The following GRIA2 variants were observed in gnomAD, a reference collection of about 807,000 sequenced individuals.
GRIA2 encodes glutamate receptor 2.
Under a neutral mutation model 97.3 loss-of-function variants are expected in GRIA2, and 14 were observed. That is an observed-to-expected ratio of 0.14 (90% CI 0.10 to 0.23). The LOEUF is 0.23. GRIA2 is among the 10% of genes least tolerant of loss of function. The probability of loss-of-function intolerance (pLI) is 1.00; values close to 1 mark genes in which losing one functional copy is unlikely to be tolerated. For missense variants in GRIA2, 558 were observed against 1,069.8 expected (o/e 0.52, Z 6.67); for synonymous variants, 412 against 387.8 (o/e 1.06, Z -0.73).
chr4:157,340,511 T>A lies in GRIA2; in HGVS notation c.1845-753T>A, dbSNP rs529013023. 8.5e-5 allele frequency among the ~76,000 whole-genome samples: 13 copies of A among 152,144 alleles called. No individual in the cohort carries two copies. The South Asian group carries it at 2.7e-3, about 31-fold the overall frequency. Reference sequence around the variant, plus strand: ...TCAGAAAAATATTGTTATTTTATTATACATCAAACTAGAAATTTATGTCTT... The same window carrying A: ...TCAGAAAAATATTGTTATTTTATTAAACATCAAACTAGAAATTTATGTCTT... On this transcript the variant is annotated intron_variant, in intron 11 of 15. Transcript: ENST00000264426.
Position 157,361,527 on chromosome 4 carries a change from T to C in GRIA2, c.2406+403T>C. On this transcript the variant is annotated intron_variant, in intron 14 of 15. Transcript: ENST00000264426. This position sits in a 1 kb window ranked among gnomAD's most constrained non-coding sequence, Gnocchi z 5.2. ...ATTGATAATGTTATTTATGTTATTT[T>C]CCACGTGAAGAACCCCAGTAAATCT... 1 of 1,499,584 alleles carries C rather than the reference T, an allele frequency of 6.7e-7. No homozygotes were observed. Among genetic ancestry groups the C allele is most frequent in the East Asian group, 2.3e-5 (1 of 44,238 alleles). The allele number at this position is 1,499,584 out of a possible 1,614,324, so 92.9% of individuals were successfully genotyped here. A position where few individuals can be genotyped will look rare whatever the true frequency, so the allele number is the denominator to read the frequency against.
chr4:157,339,090 G>C (rs1301824780), intron 11 of GRIA2, among the ~76,000 whole-genome samples: 1 of 151,880 alleles, frequency 6.6e-6, no homozygotes, highest in Non-Finnish European at 1.5e-5. Context: ...CTGAAATTAA[G>C]TTTAGAATAT....
chr4:157,275,023 G>A (rs376573242), intron 2 of GRIA2, among the ~76,000 whole-genome samples: 1 of 151,604 alleles, frequency 6.6e-6, no homozygotes, highest in African/African-American at 2.4e-5. Context: ...ATCCTCTCCA[G>A]CGCCTGTTGT....
At chr4:157,347,824 A>G (rs947856896) in intron 12 of GRIA2, among the ~76,000 whole-genome samples, 3 of 152,210 alleles carry the variant, frequency 2.0e-5, no homozygotes, top group Non-Finnish European at 4.4e-5. Context: ...ACATTCTTCA[A>G]TTAGACTTTT....
chr4:157,230,868 C>G (rs1380980252), intron 2 of GRIA2, among the ~76,000 whole-genome samples: 3 of 151,390 alleles, frequency 2.0e-5, no homozygotes, highest in Non-Finnish European at 2.9e-5. Flanking sequence ...TATTTTATTT[C>G]TTAGCGAAAG....
chr4:157,315,509 G>GT (rs529422867), intron 4 of GRIA2, among the ~76,000 whole-genome samples: 23 of 148,242 alleles, frequency 1.6e-4, no homozygotes, highest in Non-Finnish European at 2.1e-4. Flanking sequence ...TAGGCTATGG[G>GT]TTTTTTTTTG....
intron 12 of GRIA2, among the ~76,000 whole-genome samples, chr4:157,359,012 C>T (rs1169554393): frequency 6.6e-6 from 1 of 152,044 alleles, no homozygotes; most frequent in Admixed American, 6.6e-5. Flanking sequence ...AAGTCATCTT[C>T]CCAAAAGGGA....
At chr4:157,302,194 A>G (rs1247801809) in intron 2 of GRIA2, among the ~76,000 whole-genome samples, 2 of 151,896 alleles carry the variant, frequency 1.3e-5, no homozygotes, top group Admixed American at 6.6e-5. Flanking sequence ...AAAAAAAAAA[A>G]AGACACATAT....
At chr4:157,358,897 A>G (rs922763236) in intron 12 of GRIA2, among the ~76,000 whole-genome samples, 16 of 152,162 alleles carry the variant, frequency 1.1e-4, no homozygotes, top group African/African-American at 3.6e-4. Context: ...TTAGAATAAA[A>G]AACAAACAAA....
chr4:157,363,387 C>G (rs920413631), intron 15 of GRIA2, 48 bp from the exon 16 acceptor site: 3 of 1,182,246 alleles, frequency 2.5e-6, no homozygotes, highest in Non-Finnish European at 3.2e-6. Context: ...ATTTGAAAAC[C>G]ATAACGTATG....
At chr4:157,290,495 T>C (rs1183379755) in intron 2 of GRIA2, among the ~76,000 whole-genome samples, 3 of 142,612 alleles carry the variant, frequency 2.1e-5, no homozygotes, top group African/African-American at 8.2e-5. Flanking sequence ...TCTGGTTACA[T>C]CACTGCTTTT....
intron 12 of GRIA2, among the ~76,000 whole-genome samples, chr4:157,355,964 T>G (rs1355916038): frequency 2.7e-5 from 1 of 36,472 alleles, no homozygotes; most frequent in African/African-American, 7.7e-5. Flanking sequence ...TATATTTATG[T>G]ATATTAATAT....
intron 2 of GRIA2, among the ~76,000 whole-genome samples, chr4:157,264,960 A>ACTCT (rs1369411309): frequency 7.2e-5 from 11 of 152,088 alleles, no homozygotes; most frequent in Non-Finnish European, 1.5e-5. Context: ...AGATAATTAA[A>ACTCT]CTGAGACACA....
intron 2 of GRIA2, among the ~76,000 whole-genome samples, chr4:157,283,195 G>C (rs904498400): frequency 2.0e-5 from 3 of 151,886 alleles, no homozygotes; most frequent in African/African-American, 7.3e-5. Flanking sequence ...GCCTCTCAAA[G>C]AGAATGCTAT....
At chr4:157,242,359 C>A (rs1315789321) in intron 2 of GRIA2, among the ~76,000 whole-genome samples, 1 of 152,000 alleles carries the variant, frequency 6.6e-6, no homozygotes, top group Non-Finnish European at 1.5e-5. Context: ...TCAACTTTTT[C>A]TTAGCTGTTA....
chr4:157,347,030 G>A (rs1366248654), intron 12 of GRIA2, among the ~76,000 whole-genome samples: 3 of 152,188 alleles, frequency 2.0e-5, no homozygotes, highest in Non-Finnish European at 1.5e-5. Context: ...TTCAGCTAAC[G>A]TTAGCTGGGT....
At chr4:157,267,463 T>C (rs1731824958) in intron 2 of GRIA2, among the ~76,000 whole-genome samples, 1 of 151,754 alleles carries the variant, frequency 6.6e-6, no homozygotes, top group Admixed American at 6.6e-5. Context: ...AAAGCAAAAT[T>C]GCTAAACACT....
intron 3 of GRIA2, 120 bp from the exon 4 acceptor site, chr4:157,312,559 A>C (rs1020506502): frequency 1.8e-6 from 1 of 548,868 alleles, no homozygotes; most frequent in Non-Finnish European, 3.1e-6. Flanking sequence ...TGAAGGAGTC[A>C]ACATTCCTTT....
At chr4:157,231,551 C>T (rs958187030) in intron 2 of GRIA2, among the ~76,000 whole-genome samples, 4 of 151,992 alleles carry the variant, frequency 2.6e-5, no homozygotes, top group Admixed American at 6.6e-5. Flanking sequence ...AAAAAGCCAT[C>T]CTTGAAAATT....
Sources: allele counts gnomAD v4.1 joint callset (sites outside exome capture counted in the v4.1 genomes callset), GRCh38; gene constraint gnomAD v4.1.1; non-coding constraint Gnocchi (gnomAD v3.1); transcripts MANE v1.5; gene names NCBI Gene and HGNC (gene_info 2026-07-23, HGNC 2026-07-21).